Variants in OSBPL8 observed in about 807,000 individuals in gnomAD.
OSBPL8 encodes oxysterol binding protein like 8.
In OSBPL8, 59 loss-of-function variants were observed where a neutral mutation model predicts 125.5. The observed-to-expected ratio is 0.47, with a 90% confidence interval of 0.38 to 0.58. The LOEUF (loss-of-function observed/expected upper bound fraction) is 0.58, where lower values mean the gene tolerates loss of function less well. OSBPL8 is among the 20% of genes least tolerant of loss of function. The pLI is 0.00. For synonymous variants in OSBPL8, 330 were observed against 338.9 expected, an observed-to-expected ratio of 0.97 and a Z score of 0.29; for missense variants, 758 against 1,047.8, an observed-to-expected ratio of 0.72 and a Z score of 3.82.
At chr12:76,414,283 T>A (rs1335086369) in intron 4 of OSBPL8, among the ~76,000 whole-genome samples, 1 of 152,110 alleles carries the variant, frequency 6.6e-6, no homozygotes, top group African/African-American at 2.4e-5. Context: ...GTGAATGCAT[T>A]CTTGTTTCTA....
chr12:76,367,908 T>C (rs1327902091), intron 21 of OSBPL8, among the ~76,000 whole-genome samples: 1 of 152,256 alleles, frequency 6.6e-6, no homozygotes, highest in Non-Finnish European at 1.5e-5. Context: ...AACAAAGATA[T>C]GTAATTAAAT....
intron 1 of OSBPL8, among the ~76,000 whole-genome samples, chr12:76,526,948 C>T (rs1950196760): frequency 6.6e-6 from 1 of 151,884 alleles, no homozygotes; most frequent in Non-Finnish European, 1.5e-5. Context: ...CCATGCCTGG[C>T]CAGTAAATCT....
chr12:76,550,274 T>TC (rs1950898943), intron 1 of OSBPL8, among the ~76,000 whole-genome samples: 1 of 152,162 alleles, frequency 6.6e-6, no homozygotes, highest in Non-Finnish European at 1.5e-5. Context: ...ATAAAATAAA[T>TC]AAAGTCTACT....
chr12:76,413,516 T>C (rs988522009), intron 4 of OSBPL8, among the ~76,000 whole-genome samples: 2 of 152,230 alleles, frequency 1.3e-5, no homozygotes, highest in African/African-American at 4.8e-5. Flanking sequence ...AAGGTTTAAA[T>C]CTAGAAGGAG....
chr12:76,477,758 T>C (rs1046244196), intron 2 of OSBPL8, among the ~76,000 whole-genome samples: 1 of 152,172 alleles, frequency 6.6e-6, no homozygotes, highest in African/African-American at 2.4e-5. Flanking sequence ...TAATATAAGA[T>C]GTTCCTAATA....
chr12:76,383,433 A>C (rs1211533173), intron 15 of OSBPL8, among the ~76,000 whole-genome samples: 1 of 151,682 alleles, frequency 6.6e-6, no homozygotes, highest in African/African-American at 2.4e-5. Context: ...ACGAACATCA[A>C]GGGAAATAAA....
At chr12:76,377,553 C>T (rs566351199) in intron 16 of OSBPL8, among the ~76,000 whole-genome samples, 1 of 152,206 alleles carries the variant, frequency 6.6e-6, no homozygotes, top group East Asian at 1.9e-4. Flanking sequence ...TCATGTTGGT[C>T]ACATAAATGT....
At chr12:76,480,923 TA>T (rs2136982350) in intron 2 of OSBPL8, among the ~76,000 whole-genome samples, 1 of 152,324 alleles carries the variant, frequency 6.6e-6, no homozygotes, top group East Asian at 1.9e-4. Flanking sequence ...ATAGGGCAGT[TA>T]TCTGATTTTC....
rs943035557 is a variant in OSBPL8 at position 76,449,547 on chromosome 12, A to G, written c.217+1304T>C. 7.9e-5 allele frequency among the ~76,000 whole-genome samples: 12 copies of G among 152,346 alleles called. No individual in the cohort carries two copies. The Middle Eastern group carries it at 0.01, about 130-fold the overall frequency. On this transcript the variant is annotated intron_variant, in intron 4 of 23. Transcript: ENST00000261183. ...GGCAGAGGCACCAAACTGGAGTAGT[A>G]GGCACTGAATTCTTCAGTCATGCAC...
intron 1 of OSBPL8, among the ~76,000 whole-genome samples, chr12:76,507,603 T>G (rs1319069599): frequency 6.6e-6 from 1 of 151,652 alleles, no homozygotes; most frequent in African/African-American, 2.4e-5. Flanking sequence ...GTGGATCACC[T>G]GAGGTCAGGA....
At chr12:76,448,967 C>T (rs987209972) in intron 4 of OSBPL8, among the ~76,000 whole-genome samples, 16 of 152,072 alleles carry the variant, frequency 1.1e-4, no homozygotes, top group East Asian at 1.9e-4. Flanking sequence ...GAGCTGAGAT[C>T]GCGCCACTGC....
chr12:76,378,468 T>A lies in OSBPL8; in HGVS notation c.1713A>T (p.Pro571=). The A allele has an allele frequency of 6.3e-7, 1 of 1,588,986 alleles. No individual in the cohort carries two copies. ...NRGEDYVMTM[P]YAHCKGILYG... ...AATATTTACCTTTACAATGAGCGTA[T>A]GGCATTGTCATTACATAATCTTCAC... Residue 571 remains proline, a synonymous_variant, in exon 16 of 24, where the codon CCA becomes CCT. Coordinates refer to ENST00000261183, the MANE Select transcript of OSBPL8 (RefSeq NM_020841.5).
intron 3 of OSBPL8, among the ~76,000 whole-genome samples, chr12:76,454,186 G>A (rs1409979607): frequency 4.6e-5 from 7 of 152,060 alleles, no homozygotes; most frequent in Non-Finnish European, 2.9e-5. Context: ...CTTGGATCTA[G>A]AAAAACTTTT....
At chr12:76,523,743 T>C (rs1298518586) in intron 1 of OSBPL8, among the ~76,000 whole-genome samples, 1 of 152,190 alleles carries the variant, frequency 6.6e-6, no homozygotes, top group Non-Finnish European at 1.5e-5. Flanking sequence ...GCTCTCAGAC[T>C]TTCCAGCCCC....
chr12:76,518,445 T>A (rs189004943), intron 1 of OSBPL8, among the ~76,000 whole-genome samples: 5 of 152,254 alleles, frequency 3.3e-5, no homozygotes, highest in Admixed American at 6.5e-5. Context: ...AGGCTCAGGG[T>A]ACAAGCTAAC....
intron 2 of OSBPL8, among the ~76,000 whole-genome samples, chr12:76,473,715 T>C (rs1444437022): frequency 6.6e-6 from 1 of 152,210 alleles, no homozygotes; most frequent in Admixed American, 6.5e-5. Context: ...AACAATTTCA[T>C]ACTGTGTTAA....
chr12:76,393,839 T>C (rs1053772779), intron 9 of OSBPL8, among the ~76,000 whole-genome samples: 4 of 149,558 alleles, frequency 2.7e-5, no homozygotes, highest in Admixed American at 6.7e-5. Flanking sequence ...CTGGCCAACA[T>C]GGTGAAACCG....
chr12:76,385,768 T>C (rs1052716827), intron 14 of OSBPL8, among the ~76,000 whole-genome samples: 1 of 152,028 alleles, frequency 6.6e-6, no homozygotes, highest in Non-Finnish European at 1.5e-5. Flanking sequence ...TGTGGAGAAC[T>C]AGAAAGGTAT....
chr12:76,463,560 T>G (rs1194625505), intron 2 of OSBPL8, among the ~76,000 whole-genome samples: 1 of 152,172 alleles, frequency 6.6e-6, no homozygotes, highest in Non-Finnish European at 1.5e-5. Flanking sequence ...CTGAATGGCT[T>G]AATCATAAGA....
Sources: allele counts gnomAD v4.1 joint callset (sites outside exome capture counted in the v4.1 genomes callset), GRCh38; gene constraint gnomAD v4.1.1; transcripts MANE v1.5; gene names NCBI Gene and HGNC (gene_info 2026-07-23, HGNC 2026-07-21).